PRKN: variants seen among roughly 807,000 people sequenced by gnomAD.
PRKN encodes the protein E3 ubiquitin-protein ligase parkin.
Under a neutral mutation model 59.5 loss-of-function variants are expected in PRKN, and 56 were observed. The ratio of observed to expected loss-of-function variants is 0.94; its 90% CI spans 0.76 to 1.18. The LOEUF (loss-of-function observed/expected upper bound fraction) is 1.18, where lower values mean the gene tolerates loss of function less well. Ranked by LOEUF, PRKN falls within the 50% of genes most tolerant of loss-of-function variation. PRKN has a pLI of 0.00. For missense variants in PRKN, 657 were observed against 596.4 expected (o/e 1.10, Z -1.06); for synonymous variants, 250 against 222.1 (o/e 1.13, Z -1.12).
At chr6:161,628,009 T>G (rs1783155414) in intron 7 of PRKN, among the ~76,000 whole-genome samples, 1 of 152,184 alleles carries the variant, frequency 6.6e-6, no homozygotes, top group African/African-American at 2.4e-5. Flanking sequence ...CAAAACAAAC[T>G]GATAATTAAA....
chr6:161,365,250 C>T (rs1416374094), intron 10 of PRKN, among the ~76,000 whole-genome samples: 1 of 152,126 alleles, frequency 6.6e-6, no homozygotes, highest in Non-Finnish European at 1.5e-5. Flanking sequence ...CCAGCACTCC[C>T]AACCCGTGTG....
At chr6:162,135,312 G>A (rs1247580453) in intron 4 of PRKN, among the ~76,000 whole-genome samples, 1 of 151,942 alleles carries the variant, frequency 6.6e-6, no homozygotes, top group African/African-American at 2.4e-5. Context: ...AAAACACCGC[G>A]ATTAAAGGCA....
rs1297776977 is a variant in PRKN at position 161,541,816 on chromosome 6, G to A, written c.1083+7038C>T. 4.6e-5 allele frequency among the ~76,000 whole-genome samples: 7 copies of A among 150,846 alleles called. No homozygotes were observed. In the South Asian group the frequency reaches 6.3e-4, roughly 14 times the overall value. On this transcript the variant is annotated intron_variant, in intron 9 of 11. Coordinates refer to ENST00000366898, the MANE Select transcript of PRKN (RefSeq NM_004562.3). Reference sequence around the variant, plus strand: ...AGCCTGGGTGACAGAGCGAGACTCCGTCTCAAAAAGAAAAAAAAAAAACAG... The same window carrying A: ...AGCCTGGGTGACAGAGCGAGACTCCATCTCAAAAAGAAAAAAAAAAAACAG...
chr6:162,091,874 A>C (rs1278276424), intron 4 of PRKN, among the ~76,000 whole-genome samples: 6 of 152,088 alleles, frequency 3.9e-5, no homozygotes. Flanking sequence ...CGATTCTACA[A>C]AAATTACAAA....
At chr6:162,382,961 C>T (rs1274353574) in intron 2 of PRKN, among the ~76,000 whole-genome samples, 3 of 152,178 alleles carry the variant, frequency 2.0e-5, no homozygotes, top group Non-Finnish European at 2.9e-5. Context: ...AGCAACTCCT[C>T]ACCTGTTCAT....
Position 161,397,794 on chromosome 6 carries a change from T to C in PRKN, c.1084-10917A>G, listed in dbSNP as rs1786835022. Among the ~76,000 whole-genome samples the C allele has an allele frequency of 6.6e-6, 1 of 152,076 alleles. No homozygotes were observed. Among genetic ancestry groups the C allele is most frequent in the African/African-American group, 2.4e-5 (1 of 41,392 alleles). ...CCAGTACTGAGAATGGAGAGGTCAA[T>C]CCTGAGTACAAGAGGAATAACTAAG... On this transcript the variant is annotated intron_variant, in intron 9 of 11. Transcript: ENST00000366898. This position sits in a 1 kb window ranked among gnomAD's most constrained non-coding sequence, Gnocchi z 4.2.
rs71278571 is a variant in PRKN, at chr6:161,497,577, T to TCA, written c.1083+51275_1083+51276dup. ...ATGTCTCTCTCTCTCTCTCTCTCTC[T>TCA]CACACACACACACACACACACCATA... On this transcript the variant is annotated intron_variant, in intron 9 of 11. Transcript: ENST00000366898. This position sits in a 1 kb window ranked among gnomAD's most constrained non-coding sequence, Gnocchi z 4.6. 1.5e-3 allele frequency among the ~76,000 whole-genome samples: 224 copies of TCA among 147,446 alleles called. 1 individual carries two copies. Among genetic ancestry groups the TCA allele is most frequent in the South Asian group, 5.4e-3 (25 of 4,668 alleles).
At chr6:161,422,306 C>T (rs149418264) in intron 9 of PRKN, among the ~76,000 whole-genome samples, 1,846 of 147,280 alleles carry the variant, frequency 0.013, 13 homozygotes, top group Non-Finnish European at 0.02. Flanking sequence ...TCAAGTGGTT[C>T]TCCTGCTTCA....
chr6:161,775,554 C>T (rs750079824), intron 7 of PRKN, among the ~76,000 whole-genome samples: 5 of 152,254 alleles, frequency 3.3e-5, no homozygotes, highest in South Asian at 4.1e-4. Flanking sequence ...TTAGCAATTC[C>T]GTAGCAACTA....
chr6:161,752,278 G>A (rs1439557373), intron 7 of PRKN, among the ~76,000 whole-genome samples: 1 of 152,176 alleles, frequency 6.6e-6, no homozygotes, highest in Non-Finnish European at 1.5e-5. Context: ...GCTGAGGCAG[G>A]AGAATTGCTT....
At chr6:162,389,587 T>G (rs1289020904) in intron 2 of PRKN, among the ~76,000 whole-genome samples, 1 of 152,208 alleles carries the variant, frequency 6.6e-6, no homozygotes, top group Non-Finnish European at 1.5e-5. Context: ...CATTTACCAA[T>G]TTCTTGGTAA....
Position 161,965,571 on chromosome 6 carries a change from G to A in PRKN, c.734+7731C>T, listed in dbSNP as rs556609357. Among the ~76,000 whole-genome samples the A allele has an allele frequency of 1.7e-3, 255 of 152,116 alleles. 8 individuals are homozygous for A. The South Asian group carries it at 0.052, about 31-fold the overall frequency. ...GAGATTTATTTTGAGCCAAATATGA[G>A]TGACAATGGTCCATGACACAGCCCT... On this transcript the variant is annotated intron_variant, in intron 6 of 11. Transcript: ENST00000366898.
At chr6:162,194,152 C>T (rs1028068249) in intron 4 of PRKN, among the ~76,000 whole-genome samples, 37 of 152,036 alleles carry the variant, frequency 2.4e-4, no homozygotes, top group African/African-American at 5.3e-4. Context: ...TAACAATAGA[C>T]GTACAAGTAT....
chr6:162,285,266 A>ATTTTTTTTTTTTTTTTTTTTTTT (rs11392809), intron 2 of PRKN, among the ~76,000 whole-genome samples: 1 of 95,926 alleles, frequency 1.0e-5, no homozygotes, highest in African/African-American at 4.0e-5. Flanking sequence ...TATTTTGGAG[A>ATTTTTTTTTTTTTTTTTTTTTTT]TTTTTTTTTT....
At chr6:161,977,801 C>T (rs1008426863) in intron 5 of PRKN, among the ~76,000 whole-genome samples, 93 of 151,176 alleles carry the variant, frequency 6.2e-4, no homozygotes, top group African/African-American at 2.2e-3. Context: ...CCCACCTTGG[C>T]CTCCCAAAGT....
intron 7 of PRKN, among the ~76,000 whole-genome samples, chr6:161,618,486 T>C (rs912309916): frequency 1.3e-5 from 2 of 152,224 alleles, no homozygotes; most frequent in African/African-American, 2.4e-5. Context: ...TCTCTCACTT[T>C]TCTTTTTCCA....
chr6:162,592,788 T>C (rs1189062689), intron 1 of PRKN, among the ~76,000 whole-genome samples: 1 of 146,510 alleles, frequency 6.8e-6, no homozygotes, highest in Non-Finnish European at 1.5e-5. Flanking sequence ...GAGTGGGACA[T>C]AGAAAAGGAT....
At chr6:161,736,296 T>A (rs964433241) in intron 7 of PRKN, among the ~76,000 whole-genome samples, 1 of 152,228 alleles carries the variant, frequency 6.6e-6, no homozygotes, top group African/African-American at 2.4e-5. Context: ...CAGCTGTTTA[T>A]ACTCTTGGCA....
chr6:162,200,757 T>G (rs544999622), intron 4 of PRKN, among the ~76,000 whole-genome samples: 3 of 152,336 alleles, frequency 2.0e-5, no homozygotes, highest in South Asian at 2.1e-4. Flanking sequence ...TATATAACCA[T>G]GCTACCATCA....
Sources: gnomAD v4.1 joint callset for allele counts (sites outside exome capture counted in the v4.1 genomes callset) on GRCh38, gnomAD v4.1.1 for gene constraint, Gnocchi (gnomAD v3.1) non-coding constraint, MANE v1.5 for transcripts, NCBI Gene and HGNC (gene_info 2026-07-23, HGNC 2026-07-21) for gene names.